The following LRRFIP2 variants were observed in gnomAD, a reference collection of about 807,000 sequenced individuals.
The protein encoded by LRRFIP2 is leucine-rich repeat flightless-interacting protein 2.
Under a neutral mutation model 125.9 loss-of-function variants are expected in LRRFIP2, and 109 were observed. The ratio of observed to expected loss-of-function variants is 0.87; its 90% CI spans 0.74 to 1.01. LRRFIP2 has a LOEUF of 1.01. LRRFIP2 is among the 50% of genes least tolerant of loss of function. The pLI, the probability that LRRFIP2 is intolerant of heterozygous loss-of-function variation, is 0.00. For synonymous variants in LRRFIP2, 291 were observed against 293.1 expected, an observed-to-expected ratio of 0.99 and a Z score of 0.07; for missense variants, 850 against 862.3, an observed-to-expected ratio of 0.99 and a Z score of 0.18.
intron 4 of LRRFIP2, among the ~76,000 whole-genome samples, chr3:37,122,123 T>C (rs991671551): frequency 7.4e-6 from 1 of 135,068 alleles, no homozygotes; most frequent in Non-Finnish European, 1.5e-5. Context: ...TGTGTCCAAG[T>C]GTTCTCATTG....
At chr3:37,156,160 C>T (rs1227483160) in intron 1 of LRRFIP2, among the ~76,000 whole-genome samples, 1 of 152,134 alleles carries the variant, frequency 6.6e-6, no homozygotes, top group Non-Finnish European at 1.5e-5. Context: ...CAGACGAAAG[C>T]CACCATGCTC....
intron 15 of LRRFIP2, among the ~76,000 whole-genome samples, chr3:37,100,855 T>A (rs2093999200): frequency 6.6e-6 from 1 of 152,148 alleles, no homozygotes; most frequent in African/African-American, 2.4e-5. Flanking sequence ...TAACTTTGTA[T>A]GCAGAGAGAG....
chr3:37,099,537 C>T (rs753931071), intron 15 of LRRFIP2, among the ~76,000 whole-genome samples: 40 of 152,046 alleles, frequency 2.6e-4, no homozygotes, highest in Non-Finnish European at 5.0e-4. Flanking sequence ...CTTGATAATG[C>T]TACTCAAAAA....
At chr3:37,089,185 T>C (rs1187073215) in intron 18 of LRRFIP2, among the ~76,000 whole-genome samples, 11 of 152,178 alleles carry the variant, frequency 7.2e-5, no homozygotes, top group Admixed American at 7.2e-4. Flanking sequence ...GTTTTTAAAA[T>C]GGGTTAATGG....
intron 23 of LRRFIP2, chr3:37,065,596 G>A (rs2089964626): frequency 2.9e-6 from 2 of 691,514 alleles, no homozygotes; most frequent in Non-Finnish European, 5.3e-6. Context: ...AGGCCTTACA[G>A]TTACACTTAT....
intron 19 of LRRFIP2, among the ~76,000 whole-genome samples, chr3:37,077,220 T>C (rs962885520): frequency 9.8e-5 from 15 of 152,302 alleles, no homozygotes; most frequent in African/African-American, 3.4e-4. Flanking sequence ...CAAAAAGACC[T>C]ATGCAGTATG....
At chr3:37,054,213 T>G (rs1333092296) in intron 27 of LRRFIP2, among the ~76,000 whole-genome samples, 198 bp downstream of exon 27, 2 of 152,176 alleles carry the variant, frequency 1.3e-5, no homozygotes, top group Non-Finnish European at 2.9e-5. Flanking sequence ...ACAAACTATC[T>G]TTTTACTTAG....
chr3:37,153,992 C>A, intron 1 of LRRFIP2, among the ~76,000 whole-genome samples: 1 of 126,118 alleles, frequency 7.9e-6, no homozygotes, highest in African/African-American at 2.8e-5. Context: ...GACTAGGCAA[C>A]ATGGTGAAAT....
At chr3:37,147,286 G>C (rs2095879626) in intron 2 of LRRFIP2, among the ~76,000 whole-genome samples, 1 of 152,176 alleles carries the variant, frequency 6.6e-6, no homozygotes, top group African/African-American at 2.4e-5. Context: ...AACCATTGTA[G>C]AAGACAGTGT....
rs770672224 is a variant in LRRFIP2 at position 37,115,122 on chromosome 3, G to C, written c.331-27C>G. On this transcript the variant is annotated intron_variant, in intron 6 of 27. Transcript: ENST00000336686. ...TGGGTTTCAGCAAAACATGAAAGTTGGTTTGTTTCCAAATTCAGAAATATA... is the reference window on the plus strand; with the variant it reads ...TGGGTTTCAGCAAAACATGAAAGTTCGTTTGTTTCCAAATTCAGAAATATA... The C allele has an allele frequency of 1.9e-6, 3 of 1,546,012 alleles. No homozygotes were observed. In the African/African-American group the frequency reaches 4.1e-5, roughly 21 times the overall value.
At chr3:37,144,755 A>G (rs180828259) in intron 2 of LRRFIP2, among the ~76,000 whole-genome samples, 5 of 152,350 alleles carry the variant, frequency 3.3e-5, no homozygotes, top group Middle Eastern at 3.4e-3. Flanking sequence ...AACTGAGCCA[A>G]TGAGGTCTGG....
At chr3:37,142,456 T>C (rs2095735995) in intron 2 of LRRFIP2, among the ~76,000 whole-genome samples, 1 of 152,124 alleles carries the variant, frequency 6.6e-6, no homozygotes, top group African/African-American at 2.4e-5. Context: ...CAACCCAACG[T>C]CTTTGCCCTA....
chr3:37,121,343 C>T (rs2095029359), intron 6 of LRRFIP2, 149 bp downstream of exon 6: 2 of 674,398 alleles, frequency 3.0e-6, no homozygotes, highest in Non-Finnish European at 2.5e-6. Flanking sequence ...AAGAAAGCAT[C>T]ATTTTCCAAT....
chr3:37,143,214 TTTATAG>T (rs2095760912), intron 2 of LRRFIP2, among the ~76,000 whole-genome samples: 1 of 152,216 alleles, frequency 6.6e-6, no homozygotes, highest in East Asian at 1.9e-4. Context: ...GTCTTGGGCA[TTTATAG>T]CAATGCAAGA....
chr3:37,061,902 A>T (rs910665912), intron 24 of LRRFIP2, among the ~76,000 whole-genome samples: 2 of 152,062 alleles, frequency 1.3e-5, no homozygotes, highest in Admixed American at 6.6e-5. Flanking sequence ...ACTATTCCTC[A>T]TCTTTCCAGG....
rs2085931605 is a variant in LRRFIP2 at position 37,053,088 on chromosome 3, T to A, written c.*763A>T. The A allele has an allele frequency of 1.3e-5, 2 of 152,436 alleles. No homozygotes were observed. Among genetic ancestry groups the A allele is most frequent in the African/African-American group, 2.4e-5 (1 of 41,382 alleles). The allele number at this position is 152,436 out of a possible 1,614,324, so 9.4% of individuals were successfully genotyped here. A position where few individuals can be genotyped will look rare whatever the true frequency, so the allele number is the denominator to read the frequency against. ...CCCTGCCCTACCCTCCCCCTTTGGG[T>A]TTGTTTGAGGTTTCATTCCACAAAT... On this transcript the variant is annotated 3_prime_UTR_variant, in exon 28 of 28. Coordinates refer to ENST00000336686, the MANE Select transcript of LRRFIP2 (RefSeq NM_006309.4).
At chr3:37,163,019 A>T (rs1413012256) in intron 1 of LRRFIP2, among the ~76,000 whole-genome samples, 2 of 152,210 alleles carry the variant, frequency 1.3e-5, no homozygotes, top group African/African-American at 4.8e-5. Flanking sequence ...CTACTCTCCC[A>T]ATCACATTTC....
chr3:37,129,031 A>G (rs776756114), intron 3 of LRRFIP2, 32 bp downstream of exon 3: 1 of 1,587,182 alleles, frequency 6.3e-7, no homozygotes, highest in Non-Finnish European at 8.7e-7. Flanking sequence ...GGGGGAGACA[A>G]ATATGAAATT....
chr3:37,128,938 A>G, intron 3 of LRRFIP2, 125 bp downstream of exon 3: 1 of 849,744 alleles, frequency 1.2e-6, no homozygotes, highest in Non-Finnish European at 1.9e-6. Flanking sequence ...GCTTGATAAA[A>G]TACATACATC....
Sources: gnomAD v4.1 joint callset for allele counts (sites outside exome capture counted in the v4.1 genomes callset) on GRCh38, gnomAD v4.1.1 for gene constraint, MANE v1.5 for transcripts, NCBI Gene and HGNC (gene_info 2026-07-23, HGNC 2026-07-21) for gene names.